The following DAB2IP variants were observed in gnomAD, a reference collection of about 807,000 sequenced individuals.
DAB2IP encodes DAB2 interacting protein, also known as disabled homolog 2-interacting protein.
In DAB2IP, 28 loss-of-function variants were observed where a neutral mutation model predicts 107.2. The observed-to-expected ratio is 0.26, with a 90% CI of 0.19 to 0.36. The LOEUF is 0.36. Among genes scored for constraint, DAB2IP ranks in the 10% least tolerant of loss-of-function variants. The pLI, the probability that DAB2IP is intolerant of heterozygous loss-of-function variation, is 1.00. For synonymous variants in DAB2IP, 755 were observed against 706.4 expected (o/e 1.07, Z -1.09); for missense variants, 1,400 against 1,644.7 (o/e 0.85, Z 2.57).
At chr9:121,705,891 C>T (rs1321144823) in intron 3 of DAB2IP, among the ~76,000 whole-genome samples, 1 of 152,182 alleles carries the variant, frequency 6.6e-6, no homozygotes, top group Non-Finnish European at 1.5e-5. Context: ...ATTACTTGAA[C>T]CAGTAAGTTA....
intron 1 of DAB2IP, among the ~76,000 whole-genome samples, chr9:121,664,331 T>TCC: frequency 6.6e-6 from 1 of 152,232 alleles, no homozygotes; most frequent in Non-Finnish European, 1.5e-5. Flanking sequence ...GTAATGTAAG[T>TCC]CCCCCAACCT....
chr9:121,691,651 C>T (rs1009474080), intron 2 of DAB2IP, among the ~76,000 whole-genome samples: 2 of 152,150 alleles, frequency 1.3e-5, no homozygotes, highest in African/African-American at 2.4e-5. Context: ...ACAACTACCT[C>T]GTCCCCATTT....
Position 121,782,613 on chromosome 9 carries a change from C to G in DAB2IP, c.*115C>G, listed in dbSNP as rs1013803326. On this transcript the variant is annotated 3_prime_UTR_variant, in exon 16 of 16. Transcript: ENST00000408936. This position sits in a 1 kb window ranked among gnomAD's most constrained non-coding sequence, Gnocchi z 6.1. Reference sequence around the variant, plus strand: ...CAGCCCCAGCGCGGGTGTCAGGAGGCCGAGCCTCCCCTCCCTGCCGCTGTC... The same window carrying G: ...CAGCCCCAGCGCGGGTGTCAGGAGGGCGAGCCTCCCCTCCCTGCCGCTGTC... 9 of 1,513,814 alleles carry G rather than the reference C, an allele frequency of 5.9e-6. No individual in the cohort carries two copies. The highest frequency in any genetic ancestry group is 6.2e-6 in the Non-Finnish European group (7 of 1,132,492). 93.8% of individuals were successfully genotyped at this position (1,513,814 alleles called of 1,614,324 possible).
At chr9:121,569,434 A>G (rs1471854855) in intron 1 of DAB2IP, among the ~76,000 whole-genome samples, 1 of 152,274 alleles carries the variant, frequency 6.6e-6, no homozygotes, top group Non-Finnish European at 1.5e-5. Flanking sequence ...CCTCCACTGA[A>G]GAAGTCAATG....
In DAB2IP at chr9:121,768,643, G is replaced by A. The variant is rs374706147; in HGVS notation, c.1899+10G>A. ...CAGCCAGCTGGAGCAGGTGCCTGTT[G>A]CCGTGGGGCGGAGGTGGGGCCAAAA... On this transcript the variant is annotated intron_variant, in intron 10 of 15. Coordinates refer to ENST00000408936, the Ensembl canonical transcript of DAB2IP. The A allele has an allele frequency of 1.1e-4, 172 of 1,612,896 alleles. No individual in the cohort carries two copies. In the African/African-American group the frequency reaches 2.1e-3, roughly 20 times the overall value.
chr9:121,627,805 T>C (rs1208908011), intron 1 of DAB2IP, among the ~76,000 whole-genome samples: 1 of 152,258 alleles, frequency 6.6e-6, no homozygotes, highest in Non-Finnish European at 1.5e-5. Context: ...TTTAAAGTCA[T>C]GTATCGTTCT....
chr9:121,643,947 C>T (rs1832446298), intron 1 of DAB2IP, among the ~76,000 whole-genome samples: 1 of 152,156 alleles, frequency 6.6e-6, no homozygotes, highest in Non-Finnish European at 1.5e-5. Context: ...GTGGGAGAAT[C>T]ACTTAAGGCC....
At chr9:121,688,341 G>A (rs1012917546) in intron 2 of DAB2IP, among the ~76,000 whole-genome samples, 8 of 152,218 alleles carry the variant, frequency 5.3e-5, no homozygotes, top group Non-Finnish European at 7.4e-5. Context: ...GCTCTGCATC[G>A]GGATGAGTAA....
intron 1 of DAB2IP, among the ~76,000 whole-genome samples, chr9:121,659,041 G>A (rs1833086632): frequency 6.6e-6 from 1 of 152,226 alleles, no homozygotes; most frequent in Non-Finnish European, 1.5e-5. Flanking sequence ...GAGGCGATGT[G>A]CCGACATAGT....
chr9:121,603,542 A>G (rs1033518391), intron 1 of DAB2IP, among the ~76,000 whole-genome samples: 3 of 152,162 alleles, frequency 2.0e-5, no homozygotes, highest in African/African-American at 7.2e-5. Flanking sequence ...GTCAGGACCT[A>G]AATCCAGGTG....
intron 2 of DAB2IP, 111 bp downstream of exon 2, chr9:121,678,892 A>ATGCTCTCCGG: frequency 9.7e-7 from 1 of 1,035,748 alleles, no homozygotes; most frequent in Non-Finnish European, 1.3e-6. Flanking sequence ...ATGGACCCGG[A>ATGCTCTCCGG]GAGCATCCGG....
At chr9:121,672,523 A>G (rs191413232) in intron 1 of DAB2IP, among the ~76,000 whole-genome samples, 22 of 152,288 alleles carry the variant, frequency 1.4e-4, no homozygotes, top group African/African-American at 4.8e-4. Context: ...TTGCAAACAC[A>G]TGAAGGTTAA....
chr9:121,779,752 A>G (rs1423922203), intron 14 of DAB2IP, among the ~76,000 whole-genome samples: 1 of 152,182 alleles, frequency 6.6e-6, no homozygotes, highest in African/African-American at 2.4e-5. Flanking sequence ...GTTCTTGCCT[A>G]GCCTGGTAAT....
chr9:121,601,906 G>T (rs1830695200), intron 1 of DAB2IP, among the ~76,000 whole-genome samples: 1 of 145,708 alleles, frequency 6.9e-6, no homozygotes, highest in African/African-American at 2.5e-5. Flanking sequence ...GTGTGTGTGT[G>T]CGCGTGCGTG....
chr9:121,581,202 G>A (rs966606093), intron 1 of DAB2IP, among the ~76,000 whole-genome samples: 5 of 152,168 alleles, frequency 3.3e-5, no homozygotes, highest in Admixed American at 2.0e-4. Flanking sequence ...ATCCCAGCAG[G>A]AGAAGCCTAG....
rs904767179 is a variant in DAB2IP, at chr9:121,635,913, G to T, written c.41-42765G>T. Among the ~76,000 whole-genome samples, 3 of 152,014 alleles carry T rather than the reference G, an allele frequency of 2.0e-5. No individual in the cohort carries two copies. The highest frequency in any genetic ancestry group is 1.3e-4 in the Admixed American group (2 of 15,258). ...CTGTTTAGATGTCTTTTTTGGGGGG[G>T]GGTCTGGGGGATGGAGTCTTGCTCT... On this transcript the variant is annotated intron_variant, in intron 1 of 16. Transcript: ENST00000259371. This position sits in a 1 kb window ranked among gnomAD's most constrained non-coding sequence, Gnocchi z 4.3.
At chr9:121,719,933 G>T (rs1443762675) in intron 3 of DAB2IP, among the ~76,000 whole-genome samples, 1 of 152,206 alleles carries the variant, frequency 6.6e-6, no homozygotes, top group African/African-American at 2.4e-5. Context: ...AGGTGTGGGG[G>T]CCACTAAGAG....
rs1403094756 is a variant in DAB2IP, at chr9:121,752,557, CTGGGTGCTGAAGGT to C, written c.363-4450_363-4437del. 2.6e-5 allele frequency among the ~76,000 whole-genome samples: 4 copies of C among 152,226 alleles called. No homozygotes were observed. The East Asian group carries it at 5.8e-4, about 22-fold the overall frequency. On this transcript the variant is annotated intron_variant, in intron 3 of 15. Transcript: ENST00000408936. The stretch of plus-strand genomic sequence containing the variant: ...CTTCAGGGAAGAAGGGGCACTGAAG[CTGGGTGCTGAAGGT>C]TGGGTAGGAAGGGGAAGGACAGCAT...
At chr9:121,655,173 G>A (rs1022728234) in intron 1 of DAB2IP, among the ~76,000 whole-genome samples, 2 of 152,092 alleles carry the variant, frequency 1.3e-5, no homozygotes, top group African/African-American at 2.4e-5. Context: ...AGTGACCTTC[G>A]GAGGGTGAGG....
Sources: gnomAD v4.1 joint callset for allele counts (sites outside exome capture counted in the v4.1 genomes callset) on GRCh38, gnomAD v4.1.1 for gene constraint, Gnocchi (gnomAD v3.1) non-coding constraint, MANE v1.5 for transcripts, NCBI Gene and HGNC (gene_info 2026-07-23, HGNC 2026-07-21) for gene names.